Variants in F13A1 observed in about 807,000 individuals in gnomAD.
The protein encoded by F13A1 is coagulation factor XIII A chain, also known as FSF, A subunit.
In F13A1, 47 loss-of-function variants were observed where a neutral mutation model predicts 80.1. That is an observed-to-expected ratio of 0.59 (90% CI 0.46 to 0.75). The LOEUF (loss-of-function observed/expected upper bound fraction) is 0.75. Ranked by LOEUF, F13A1 falls within the 30% of genes least tolerant of loss-of-function variation. The pLI, the probability that F13A1 is intolerant of heterozygous loss-of-function variation, is 0.00. For missense variants in F13A1, 817 were observed against 930.4 expected, an observed-to-expected ratio of 0.88 and a Z score of 1.59; for synonymous variants, 349 against 344.9, an observed-to-expected ratio of 1.01 and a Z score of -0.13.
chr6:6,279,900 CA>C (rs1372986592), intron 3 of F13A1, among the ~76,000 whole-genome samples: 13 of 152,182 alleles, frequency 8.5e-5, no homozygotes, highest in Non-Finnish European at 1.2e-4. Flanking sequence ...TTTGCTAAAA[CA>C]GTCAATTCCT....
rs1327460485 is a variant in F13A1, at chr6:6,182,061, C to T, written c.1386G>A (p.Gly462=). ...CAATTTGTTTGGTCACAATTAATTT[C>T]CCAATGTGGGTGGCATCCACATTTT... ...VVENVDATHI[G]KLIVTKQIGG... is the part of the protein sequence containing the mutation. The change falls in exon 11 of 15, where the codon GGG becomes GGA. Residue 462 remains glycine, a synonymous_variant. Transcript: ENST00000264870. The T allele has an allele frequency of 6.2e-7, 1 of 1,614,166 alleles. No homozygotes were observed. The highest frequency in any genetic ancestry group is 8.5e-7 in the Non-Finnish European group (1 of 1,180,014).
At chr6:6,293,696 A>G (rs979096432) in intron 3 of F13A1, among the ~76,000 whole-genome samples, 3 of 150,240 alleles carry the variant, frequency 2.0e-5, no homozygotes, top group Admixed American at 6.7e-5. Flanking sequence ...ATTTATTTAA[A>G]TATTTAGAAA....
At position 6,222,306 on chromosome 6, in the gene F13A1, T is replaced by C; in HGVS notation, c.974-135A>G. 5 of 1,227,492 alleles carry C rather than the reference T, an allele frequency of 4.1e-6. No individual in the cohort carries two copies. The Admixed American group carries it at 9.7e-5, about 24-fold the overall frequency. The allele number at this position is 1,227,492 out of a possible 1,614,324, so 76.0% of individuals were successfully genotyped here. On this transcript the variant is annotated intron_variant, in intron 7 of 14. Coordinates refer to ENST00000264870, the MANE Select transcript of F13A1 (RefSeq NM_000129.4). ...CTTTGGACATGTTATTCTCAAATGT[T>C]CCATGCTGGAAAAGGGTGGTCATTC...
At chr6:6,254,767 G>A (rs1374639454) in intron 4 of F13A1, among the ~76,000 whole-genome samples, 1 of 152,114 alleles carries the variant, frequency 6.6e-6, no homozygotes, top group East Asian at 1.9e-4. Context: ...AAAATGAAAA[G>A]CACTGAAAAT....
chr6:6,300,217 G>GCCCCCAT (rs1186904856), intron 3 of F13A1, among the ~76,000 whole-genome samples: 1 of 72,558 alleles, frequency 1.4e-5, no homozygotes, highest in Admixed American at 1.5e-4. Flanking sequence ...TCTGTGCCCT[G>GCCCCCAT]AGGTGGAGCC....
At chr6:6,278,879 C>A (rs764222053) in intron 3 of F13A1, among the ~76,000 whole-genome samples, 1 of 152,198 alleles carries the variant, frequency 6.6e-6, no homozygotes, top group Non-Finnish European at 1.5e-5. Context: ...GCTTTAAGTT[C>A]TTTTAAAAAA....
intron 4 of F13A1, among the ~76,000 whole-genome samples, chr6:6,259,307 A>G (rs1757746370): frequency 6.6e-6 from 1 of 152,200 alleles, no homozygotes; most frequent in Non-Finnish European, 1.5e-5. Context: ...TCCATTCTGT[A>G]TGAAAGGGGC....
At chr6:6,233,308 T>A (rs1757376018) in intron 6 of F13A1, among the ~76,000 whole-genome samples, 1 of 152,128 alleles carries the variant, frequency 6.6e-6, no homozygotes, top group Admixed American at 6.6e-5. Context: ...CATTCAAGGC[T>A]ACTATGAACA....
At chr6:6,222,413 T>C (rs1229933567) in intron 7 of F13A1, among the ~76,000 whole-genome samples, 1 of 152,116 alleles carries the variant, frequency 6.6e-6, no homozygotes, top group African/African-American at 2.4e-5. Flanking sequence ...CCAACTAGAG[T>C]AGAATCCCAA....
intron 3 of F13A1, among the ~76,000 whole-genome samples, chr6:6,302,200 T>C (rs1392732649): frequency 1.3e-5 from 2 of 151,928 alleles, no homozygotes; most frequent in African/African-American, 4.9e-5. Context: ...CCACCCTAAA[T>C]ATTTGGCTTT....
chr6:6,266,925 T>C (rs1561673314), intron 3 of F13A1, 116 bp from the exon 4 acceptor site: 3 of 1,452,786 alleles, frequency 2.1e-6, no homozygotes, highest in Non-Finnish European at 2.9e-6. Flanking sequence ...TATTCTTGAC[T>C]TGAAGAAACA....
At chr6:6,186,039 C>G (rs1761075077) in intron 10 of F13A1, among the ~76,000 whole-genome samples, 2 of 151,190 alleles carry the variant, frequency 1.3e-5, no homozygotes, top group Admixed American at 1.3e-4. Flanking sequence ...AGTGTCTGTT[C>G]ATGTCCTTCA....
At chr6:6,220,543 GTGTGTGTGTGTC>G (rs1757177230) in intron 8 of F13A1, among the ~76,000 whole-genome samples, 2 of 150,710 alleles carry the variant, frequency 1.3e-5, no homozygotes, top group South Asian at 4.2e-4. Flanking sequence ...TACAAAGGCT[GTGTGTGTGTGTC>G]TGTGTGTCTG....
chr6:6,205,722 T>C (rs1761475707), intron 8 of F13A1, among the ~76,000 whole-genome samples: 2 of 152,196 alleles, frequency 1.3e-5, no homozygotes, highest in Non-Finnish European at 2.9e-5. Flanking sequence ...TATTATTTTT[T>C]TTTTAGTGTA....
In F13A1 at chr6:6,318,683, C is replaced by T. The variant is rs772181632; in HGVS notation, c.-18-1G>A. 3 of 1,479,888 alleles carry T rather than the reference C, an allele frequency of 2.0e-6. No homozygotes were observed. Among genetic ancestry groups the T allele is most frequent in the South Asian group, 2.4e-5 (2 of 84,402 alleles). 91.7% of individuals were successfully genotyped at this position (1,479,888 alleles called of 1,614,324 possible). On this transcript the variant is annotated splice_acceptor_variant, in intron 1 of 14. Coordinates refer to ENST00000264870, the MANE Select transcript of F13A1 (RefSeq NM_000129.4). LOFTEE classifies it low-confidence loss of function (5UTR_SPLICE). ...CTGACATTTTTGACTTTACAAGGTC[C>T]TTCAGAAAAAAAAAAAAAAGAAGAC... is the stretch of plus-strand genomic sequence containing the variant.
chr6:6,258,973 T>G (rs1444586822), intron 4 of F13A1, among the ~76,000 whole-genome samples: 2 of 152,218 alleles, frequency 1.3e-5, no homozygotes, highest in Non-Finnish European at 2.9e-5. Flanking sequence ...TTTACAATTG[T>G]AATCAGTTTT....
chr6:6,191,118 A>G (rs1295386875), intron 10 of F13A1, among the ~76,000 whole-genome samples: 1 of 152,172 alleles, frequency 6.6e-6, no homozygotes, highest in East Asian at 1.9e-4. Context: ...ACCTGTGCCC[A>G]CTGTCTGGCA....
intron 13 of F13A1, among the ~76,000 whole-genome samples, chr6:6,166,968 A>G (rs1281903267): frequency 1.3e-5 from 2 of 152,240 alleles, no homozygotes; most frequent in Non-Finnish European, 2.9e-5. Flanking sequence ...TTGTGGTTGC[A>G]AGGCACACGC....
chr6:6,153,450 C>T (rs562781071), intron 13 of F13A1, among the ~76,000 whole-genome samples: 2 of 152,316 alleles, frequency 1.3e-5, no homozygotes, highest in East Asian at 3.9e-4. Flanking sequence ...ACTCTTATGG[C>T]TTTACTCATC....
Sources: allele counts gnomAD v4.1 joint callset (sites outside exome capture counted in the v4.1 genomes callset), GRCh38; gene constraint gnomAD v4.1.1; transcripts MANE v1.5; gene names NCBI Gene and HGNC (gene_info 2026-07-23, HGNC 2026-07-21).